The following PRDM2 variants were observed in gnomAD, a reference collection of about 807,000 sequenced individuals.
PRDM2 encodes PR/SET domain 2.
In PRDM2, 30 loss-of-function variants were observed where a neutral mutation model predicts 130.0. The observed-to-expected ratio is 0.23, with a 90% CI of 0.17 to 0.31. The LOEUF is 0.31. Ranked by LOEUF, PRDM2 falls within the 10% of genes least tolerant of loss-of-function variation. The probability of loss-of-function intolerance (pLI) is 1.00; values close to 1 mark genes in which losing one functional copy is unlikely to be tolerated. For synonymous variants in PRDM2, 871 were observed against 782.4 expected (o/e 1.11, Z -1.89); for missense variants, 2,011 against 2,108.4 (o/e 0.95, Z 0.90).
intron 7 of PRDM2, among the ~76,000 whole-genome samples, chr1:13,777,349 T>A (rs1569988727): frequency 6.6e-6 from 1 of 152,040 alleles, no homozygotes; most frequent in Non-Finnish European, 1.5e-5. Flanking sequence ...ATCTTCCTTG[T>A]AGTAACCAGA....
chr1:13,703,267 C>A (rs182162294), intron 1 of PRDM2, among the ~76,000 whole-genome samples: 182 of 152,348 alleles, frequency 1.2e-3, no homozygotes, highest in Middle Eastern at 6.8e-3. Context: ...CGATCCTGTA[C>A]ACTGTAGGAT....
intron 2 of PRDM2, chr1:13,717,469 G>C: frequency 1.0e-6 from 1 of 973,428 alleles, no homozygotes; most frequent in Non-Finnish European, 1.2e-6. Context: ...TATTGTTCTT[G>C]TTGCATCGCT....
intron 6 of PRDM2, among the ~76,000 whole-genome samples, chr1:13,765,271 A>G (rs1446903335): frequency 6.6e-6 from 1 of 152,266 alleles, no homozygotes; most frequent in Non-Finnish European, 1.5e-5. Flanking sequence ...ACATTAAAGC[A>G]TACATTAAGA....
rs1213451574 is a variant in PRDM2 at position 13,806,572 on chromosome 1, A to C, written c.5037-9855A>C. On this transcript the variant is annotated intron_variant, in intron 8 of 9. Transcript: ENST00000311066. This position sits in a 1 kb window ranked among gnomAD's most constrained non-coding sequence, Gnocchi z 4.1. ...CAGCTAGACTCCAACCTCTTCCTCC[A>C]TCCCCACATCCAGCTCATCAGCAGA... is the stretch of plus-strand genomic sequence containing the variant. 1.3e-5 allele frequency among the ~76,000 whole-genome samples: 2 copies of C among 151,926 alleles called. No homozygotes were observed. The highest frequency in any genetic ancestry group is 1.3e-4 in the Admixed American group (2 of 15,250).
rs374006112 is a variant in PRDM2, at chr1:13,717,747, A to C, written c.9+2133A>C. Among the ~76,000 whole-genome samples the C allele has an allele frequency of 2.6e-5, 4 of 151,956 alleles. No individual in the cohort carries two copies. The East Asian group carries it at 7.7e-4, about 29-fold the overall frequency. Reference sequence around the variant, plus strand: ...TGACAAGTTTTAATATCAGATCTGCAGAAGACCGCCTTTGATCCCAAATGC... The same window carrying C: ...TGACAAGTTTTAATATCAGATCTGCCGAAGACCGCCTTTGATCCCAAATGC... On this transcript the variant is annotated intron_variant, in intron 2 of 9. Transcript: ENST00000311066.
chr1:13,713,103 A>G (rs879593200), intron 1 of PRDM2, among the ~76,000 whole-genome samples: 2 of 151,988 alleles, frequency 1.3e-5, no homozygotes, highest in Non-Finnish European at 2.9e-5. Context: ...CTCCTTCTCA[A>G]TCCTTCTCTG....
At chr1:13,713,535 T>C (rs2495053) in intron 1 of PRDM2, among the ~76,000 whole-genome samples, 12,199 of 152,282 alleles carry the variant, frequency 0.08, 761 homozygotes, top group African/African-American at 0.17. Context: ...ATGATACCGA[T>C]GATTCTTGTG....
At chr1:13,800,311 G>T (rs1644987208) in intron 8 of PRDM2, among the ~76,000 whole-genome samples, 2 of 152,238 alleles carry the variant, frequency 1.3e-5, no homozygotes, top group African/African-American at 4.8e-5. Flanking sequence ...TGGAAATGGG[G>T]AGTGCCTTGA....
At chr1:13,765,053 A>G (rs957536443) in intron 6 of PRDM2, among the ~76,000 whole-genome samples, 1 of 152,234 alleles carries the variant, frequency 6.6e-6, no homozygotes, top group African/African-American at 2.4e-5. Context: ...CTTCAGATCT[A>G]TGGGGCTTGC....
In PRDM2 at chr1:13,823,904, T is replaced by TG. The variant is rs1645394451; in HGVS notation, c.*771dup. ...AAGGGCAGGGAATGGGGACGGTGTA[T>TG]GGAGGGGAGGGATCTCCTGCGCCCT... On this transcript the variant is annotated 3_prime_UTR_variant, in exon 10 of 10. Transcript: ENST00000311066. 1 of 152,118 alleles carries TG rather than the reference T, an allele frequency of 6.6e-6. No homozygotes were observed. Among genetic ancestry groups the TG allele is most frequent in the African/African-American group, 2.4e-5 (1 of 41,360 alleles). 9.4% of individuals were successfully genotyped at this position (152,118 alleles called of 1,614,324 possible).
intron 2 of PRDM2, among the ~76,000 whole-genome samples, chr1:13,728,740 T>C (rs1424239852): frequency 6.6e-6 from 1 of 152,198 alleles, no homozygotes; most frequent in Non-Finnish European, 1.5e-5. Context: ...ATGGGTTGAC[T>C]TAAAACAGAT....
chr1:13,747,228 CA>C (rs1162882391), intron 5 of PRDM2, among the ~76,000 whole-genome samples: 8 of 152,344 alleles, frequency 5.3e-5, no homozygotes, highest in African/African-American at 1.9e-4. Context: ...CACTCCTTCC[CA>C]TGCTCTTTTT....
chr1:13,818,143 G>T (rs1312821305), intron 9 of PRDM2, among the ~76,000 whole-genome samples: 1 of 152,202 alleles, frequency 6.6e-6, no homozygotes, highest in African/African-American at 2.4e-5. Context: ...TGTGACCAGG[G>T]AACCTGCATT....
rs1643578766 is a variant in PRDM2 at position 13,745,616 on chromosome 1, G to A, written c.384+3459G>A. 4.6e-5 allele frequency among the ~76,000 whole-genome samples: 7 copies of A among 152,080 alleles called. No individual in the cohort carries two copies. The South Asian group carries it at 1.5e-3, about 32-fold the overall frequency. ...AATTTTGTATTTTTAGTAGAGACGG[G>A]GTTTCACCATATTGGTCAGGTGGTC... On this transcript the variant is annotated intron_variant, in intron 5 of 9. Coordinates refer to ENST00000311066, the MANE Select transcript of PRDM2 (RefSeq NM_001393986.1).
intron 2 of PRDM2, 60 bp from the exon 3 acceptor site, chr1:13,730,940 A>G: frequency 7.6e-7 from 1 of 1,308,774 alleles, no homozygotes; most frequent in African/African-American, 1.5e-5. Context: ...GAAAAAAAAA[A>G]AAACCCATGA....
At chr1:13,724,119 A>G (rs1408248998) in intron 2 of PRDM2, among the ~76,000 whole-genome samples, 8 of 152,170 alleles carry the variant, frequency 5.3e-5, no homozygotes, top group Non-Finnish European at 1.0e-4. Context: ...TGGAATACAA[A>G]TGCAAATTGG....
chr1:13,818,379 CTTTTT>C (rs70984285), intron 9 of PRDM2, among the ~76,000 whole-genome samples: 29 of 128,028 alleles, frequency 2.3e-4, no homozygotes, highest in Admixed American at 2.4e-4. Flanking sequence ...TCTCTCTTTC[CTTTTT>C]TTTTTTTTTT....
chr1:13,774,756 C>A (rs1414397352), intron 7 of PRDM2, among the ~76,000 whole-genome samples: 1 of 152,122 alleles, frequency 6.6e-6, no homozygotes, highest in African/African-American at 2.4e-5. Flanking sequence ...GCGGGTGGAT[C>A]ACAAGGTCAG....
intron 8 of PRDM2, among the ~76,000 whole-genome samples, chr1:13,785,848 T>C (rs1644723870): frequency 6.7e-6 from 1 of 149,480 alleles, no homozygotes; most frequent in Non-Finnish European, 1.5e-5. Context: ...TTTTTTTTTT[T>C]TTTTTAATGA....
Sources: allele counts gnomAD v4.1 joint callset (sites outside exome capture counted in the v4.1 genomes callset), GRCh38; gene constraint gnomAD v4.1.1; non-coding constraint Gnocchi (gnomAD v3.1); transcripts MANE v1.5; gene names NCBI Gene and HGNC (gene_info 2026-07-23, HGNC 2026-07-21).